The following RNASEL variants were observed in gnomAD, a reference collection of about 807,000 sequenced individuals.
RNASEL encodes the protein ribonuclease L, also known as 2-5A-dependent ribonuclease.
RNASEL carries 36 observed loss-of-function variants against 50.9 expected under a neutral mutation model. That is an observed-to-expected ratio of 0.71 (90% CI 0.54 to 0.93). The LOEUF is 0.93. Among genes scored for constraint, RNASEL ranks in the 40% least tolerant of loss-of-function variants. The pLI is 0.00. For synonymous variants in RNASEL, 335 were observed against 335.6 expected (o/e 1.00, Z 0.02); for missense variants, 860 against 894.5 (o/e 0.96, Z 0.49).
intron 5 of RNASEL, chr1:182,579,965 G>A: frequency 2.2e-6 from 1 of 457,132 alleles, no homozygotes; most frequent in Non-Finnish European, 4.4e-6. Flanking sequence ...TACTGGTTCT[G>A]TGTAGTTGGA....
chr1:182,576,493 T>A (rs1197513296), intron 5 of RNASEL, 104 bp from the exon 6 acceptor site: 2 of 867,450 alleles, frequency 2.3e-6, no homozygotes, highest in African/African-American at 1.7e-5. Context: ...TATATTCATA[T>A]ATTCTATAAT....
chr1:182,582,403 G>A, intron 3 of RNASEL, 145 bp from the exon 4 acceptor site: 1 of 897,448 alleles, frequency 1.1e-6, no homozygotes, highest in Admixed American at 1.9e-5. Context: ...AGGCACAGAT[G>A]TGTGCATACA....
chr1:182,579,316 T>C (rs745408819), intron 5 of RNASEL: 7 of 986,684 alleles, frequency 7.1e-6, no homozygotes, highest in Non-Finnish European at 8.4e-6. Flanking sequence ...TTGTCTGTGC[T>C]TGTCACCCTC....
intron 1 of RNASEL, among the ~76,000 whole-genome samples, chr1:182,587,671 AAAG>A (rs1571271508): frequency 6.6e-6 from 1 of 152,134 alleles, no homozygotes; most frequent in Non-Finnish European, 1.5e-5. Context: ...ATCAATAAAA[AAAG>A]AAGAACCCTC....
chr1:182,585,601 C>T lies in RNASEL; in HGVS notation c.1206G>A (p.Gln402=), dbSNP rs1448779734. The change falls in exon 2 of 7, where the codon CAG becomes CAA. Residue 402 remains glutamine, a synonymous_variant. Transcript: ENST00000367559. The part of the protein sequence containing the change: ...KTFCEGSPRA[Q]REVSCLQSSR... ...TGCTTTGCAGACAAGAGACTTCCCG[C>T]TGTGCACGTGGGCTGCCCTCACAGA... 2 of 1,614,080 alleles carry T rather than the reference C, an allele frequency of 1.2e-6. No homozygotes were observed. The highest frequency in any genetic ancestry group is 1.7e-5 in the Admixed American group (1 of 60,004).
rs201021286 is a variant in RNASEL at position 182,575,466 on chromosome 1, G to T, written c.2152C>A (p.Gln718Lys). 2 of 1,614,142 alleles carry T rather than the reference G, an allele frequency of 1.2e-6. No individual in the cohort carries two copies. Among genetic ancestry groups the T allele is most frequent in the East Asian group, 4.5e-5 (2 of 44,882 alleles). ...TGAGGCTTGTTTGGACTGTGGGTTTGGGGGAAATGCTTTCTATATTCTGTG... is the reference window on the plus strand; with the variant it reads ...TGAGGCTTGTTTGGACTGTGGGTTTTGGGGAAATGCTTTCTATATTCTGTG... ...QNTEYRKHFP[Q>K]THSPNKPQCD... The change falls in exon 7 of 7, where the codon CAA becomes AAA. Residue 718 changes from glutamine (Q) to lysine (K), a missense_variant. Coordinates refer to ENST00000367559, the MANE Select transcript of RNASEL (RefSeq NM_021133.4).
At position 182,582,279 on chromosome 1, in the gene RNASEL, A is replaced by G. The variant is rs560142343; in HGVS notation, c.1567-21T>C. On this transcript the variant is annotated intron_variant, in intron 3 of 6. Coordinates refer to ENST00000367559, the MANE Select transcript of RNASEL (RefSeq NM_021133.4). ...AGGTCCTGCACAAAAGCCATAAATC[A>G]AGCCAAAGATGCTTACTAATTATTT... is the stretch of plus-strand genomic sequence containing the variant. 65 of 1,613,922 alleles carry G rather than the reference A, an allele frequency of 4.0e-5. 1 individual carries two copies. In the South Asian group the frequency reaches 7.0e-4, roughly 17 times the overall value.
At chr1:182,575,626 T>A in intron 6 of RNASEL, 48 bp from the exon 7 acceptor site, 1 of 1,608,454 alleles carries the variant, frequency 6.2e-7, no homozygotes, top group Middle Eastern at 1.7e-4. Flanking sequence ...AAATTATTCT[T>A]CCCCGCTTCA....
At chr1:182,581,835 T>C (rs938145481) in intron 4 of RNASEL, among the ~76,000 whole-genome samples, 1 of 152,130 alleles carries the variant, frequency 6.6e-6, no homozygotes, top group African/African-American at 2.4e-5. Context: ...TTCTGCATGA[T>C]AGGAGAGGCA....
intron 4 of RNASEL, 116 bp from the exon 5 acceptor site, chr1:182,581,473 CTTTTTTTT>C (rs1011639686): frequency 1.5e-4 from 43 of 294,822 alleles, no homozygotes; most frequent in African/African-American, 3.6e-4. Context: ...GTTTTTCTTT[CTTTTTTTT>C]TTTTTTTTTT....
intron 5 of RNASEL, among the ~76,000 whole-genome samples, chr1:182,580,761 C>T (rs1014559996): frequency 4.6e-5 from 7 of 152,232 alleles, no homozygotes; most frequent in African/African-American, 1.7e-4. Context: ...TAGTCTATTT[C>T]CTCAGGCAGA....
rs942552864 is a variant in RNASEL, at chr1:182,574,369, G to A, written c.*1023C>T. 7 of 227,822 alleles carry A rather than the reference G, an allele frequency of 3.1e-5. No homozygotes were observed. The highest frequency in any genetic ancestry group is 1.3e-3 in the Middle Eastern group (1 of 756). The allele number at this position is 227,822 out of a possible 1,614,324, so 14.1% of individuals were successfully genotyped here. A position where few individuals can be genotyped will look rare whatever the true frequency, so the allele number is the denominator to read the frequency against. ...AGCTCCTAGACTGGGTATGGGAAGTGAGGGAGGCCTGGGAGCCTCCTGTGG... is the reference window on the plus strand; with the variant it reads ...AGCTCCTAGACTGGGTATGGGAAGTAAGGGAGGCCTGGGAGCCTCCTGTGG... On this transcript the variant is annotated 3_prime_UTR_variant, in exon 7 of 7. Coordinates refer to ENST00000367559, the MANE Select transcript of RNASEL (RefSeq NM_021133.4).
chr1:182,586,955 T>A lies in RNASEL; in HGVS notation c.-149A>T. On this transcript the variant is annotated 5_prime_UTR_variant, in exon 2 of 7. Transcript: ENST00000367559. ...TATGAAGAAGGAACAATGTTCTCAG[T>A]CTTCTGACATTCCACCTGGCAACGA... 1.0e-6 allele frequency: 1 copy of A among 1,003,268 alleles called. No individual in the cohort carries two copies. Among genetic ancestry groups the A allele is most frequent in the Non-Finnish European group, 1.5e-6 (1 of 657,740 alleles). The allele number at this position is 1,003,268 out of a possible 1,614,324, so 62.1% of individuals were successfully genotyped here.
rs1346488242 is a variant in RNASEL at position 182,574,920 on chromosome 1, T to A, written c.*472A>T. ...AAGAGCCCTGGAAGGATAGTTAAGT[T>A]TTAAGGTGCCCAAATGAGAGGTACC... On this transcript the variant is annotated 3_prime_UTR_variant, in exon 7 of 7. Transcript: ENST00000367559. 4.0e-6 allele frequency: 1 copy of A among 252,712 alleles called. No individual in the cohort carries two copies. The allele number at this position is 252,712 out of a possible 1,614,324, so 15.7% of individuals were successfully genotyped here.
chr1:182,586,755 C>G lies in RNASEL; in HGVS notation c.52G>C (p.Gly18Arg). ...NPQEGPTSSS[G>R]RRAAVEDNHL... ...TTGTCTTCCACTGCAGCCCTTCTAC[C>G]GCTGGAGGACGTGGGTCCCTCCTGG... The change falls in exon 2 of 7, where the codon GGT becomes CGT. Residue 18 changes from glycine (G) to arginine (R), a missense_variant. By Grantham distance (125) the Gly-to-Arg change is moderately radical (BLOSUM62 -2). Coordinates refer to ENST00000367559, the MANE Select transcript of RNASEL (RefSeq NM_021133.4). 1.9e-6 allele frequency: 3 copies of G among 1,614,238 alleles called. No homozygotes were observed. Among genetic ancestry groups the G allele is most frequent in the Non-Finnish European group, 1.7e-6 (2 of 1,180,042 alleles).
In RNASEL at chr1:182,585,642, C is replaced by T. The variant is rs2102370433; in HGVS notation, c.1165G>A (p.Val389Ile). The change falls in exon 2 of 7, where the codon GTA becomes ATA. Residue 389 changes from valine (V) to isoleucine (I), a missense_variant. Transcript: ENST00000367559. ...IYLGFYEKQE[V>I]AVKTFCEGSP... Reference sequence around the variant, plus strand: ...CCCTCACAGAACGTCTTCACAGCTACTTCTTGCTTCTCATAGAACCCCAGG... The same window carrying T: ...CCCTCACAGAACGTCTTCACAGCTATTTCTTGCTTCTCATAGAACCCCAGG... The T allele has an allele frequency of 6.2e-7, 1 of 1,614,214 alleles. No individual in the cohort carries two copies. Among genetic ancestry groups the T allele is most frequent in the Non-Finnish European group, 8.5e-7 (1 of 1,180,040 alleles).
Position 182,582,736 on chromosome 1 carries a change from C to T in RNASEL, c.1567-478G>A, listed in dbSNP as rs139522937. ...CAGGAGGAAAGGCCAAGAAGAAGGT[C>T]GCCTAAGGAACTCTTTGCACTAGCC... On this transcript the variant is annotated intron_variant, in intron 3 of 6. Coordinates refer to ENST00000367559, the MANE Select transcript of RNASEL (RefSeq NM_021133.4). Among the ~76,000 whole-genome samples, 259 of 152,220 alleles carry T rather than the reference C, an allele frequency of 1.7e-3. 1 individual carries two copies. The highest frequency in any genetic ancestry group is 2.2e-3 in the Admixed American group (34 of 15,292).
Position 182,575,477 on chromosome 1 carries a change from T to C in RNASEL, c.2141A>G (p.Lys714Arg). The change falls in exon 7 of 7, where the codon AAG (lysine) becomes AGG (arginine). Residue 714 changes from lysine to arginine, a missense_variant. Physicochemically the swap from Lys to Arg is conservative, Grantham distance 26 (BLOSUM62 2). Transcript: ENST00000367559. ...YTKLQNTEYR[K>R]HFPQTHSPNK... is the part of the protein sequence containing the mutation. ...TGGACTGTGGGTTTGGGGGAAATGCTTTCTATATTCTGTGTTCTGTAGTTT... is the reference window on the plus strand; with the variant it reads ...TGGACTGTGGGTTTGGGGGAAATGCCTTCTATATTCTGTGTTCTGTAGTTT... The C allele has an allele frequency of 6.2e-7, 1 of 1,614,208 alleles. No homozygotes were observed. The highest frequency in any genetic ancestry group is 8.5e-7 in the Non-Finnish European group (1 of 1,180,036).
At chr1:182,577,817 C>T (rs953205012) in intron 5 of RNASEL, among the ~76,000 whole-genome samples, 2 of 152,064 alleles carry the variant, frequency 1.3e-5, no homozygotes, top group African/African-American at 2.4e-5. Flanking sequence ...ATACAGAAGC[C>T]ACAAATAAAG....
Sources: allele counts gnomAD v4.1 joint callset (sites outside exome capture counted in the v4.1 genomes callset), GRCh38; gene constraint gnomAD v4.1.1; transcripts MANE v1.5; gene names NCBI Gene and HGNC (gene_info 2026-07-23, HGNC 2026-07-21).